Variants in BAG4 observed in about 807,000 individuals in gnomAD.
The protein encoded by BAG4 is BAG cochaperone 4.
In BAG4, 28 loss-of-function variants were observed where a neutral mutation model predicts 52.1. The observed-to-expected ratio is 0.54, with a 90% confidence interval of 0.40 to 0.74. The LOEUF (loss-of-function observed/expected upper bound fraction) is 0.74. Ranked by LOEUF, BAG4 falls within the 30% of genes least tolerant of loss-of-function variation. The probability of loss-of-function intolerance (pLI) is 0.00; values close to 1 mark genes in which losing one functional copy is unlikely to be tolerated. For missense variants in BAG4, 525 were observed against 572.0 expected, an observed-to-expected ratio of 0.92 and a Z score of 0.84; for synonymous variants, 208 against 217.0, an observed-to-expected ratio of 0.96 and a Z score of 0.37.
intron 1 of BAG4, 104 bp downstream of exon 1, chr8:38,177,243 G>T: frequency 6.8e-7 from 1 of 1,468,980 alleles, no homozygotes; most frequent in Non-Finnish European, 9.1e-7. Context: ...GGAGGAGGGT[G>T]TGTTGCGGGG....
chr8:38,208,328 G>C (rs1334685588), intron 3 of BAG4, among the ~76,000 whole-genome samples: 1 of 32,994 alleles, frequency 3.0e-5, no homozygotes, highest in Non-Finnish European at 6.3e-5. Context: ...TTTTTTTTTT[G>C]AGACGGAGTC....
intron 1 of BAG4, among the ~76,000 whole-genome samples, chr8:38,188,626 CATATATAT>C (rs1302636994): frequency 1.4e-5 from 2 of 146,506 alleles, no homozygotes; most frequent in African/African-American, 2.5e-5. Flanking sequence ...TACATGTACA[CATATATAT>C]ACATATATAC....
At position 38,212,812 on chromosome 8, in the gene BAG4, C is replaced by T. The variant is rs1233692462; in HGVS notation, c.*2319C>T. 1.3e-5 allele frequency: 2 copies of T among 152,174 alleles called. No individual in the cohort carries two copies. The highest frequency in any genetic ancestry group is 2.4e-5 in the African/African-American group (1 of 41,430). 9.4% of individuals were successfully genotyped at this position (152,174 alleles called of 1,614,324 possible). On this transcript the variant is annotated 3_prime_UTR_variant, in exon 5 of 5. Transcript: ENST00000287322. ...ATACCCGGAGACTATGCAAATGTCC[C>T]GTTTCTGCTTAAACTTTTGCTCATT... is the stretch of plus-strand genomic sequence containing the variant.
At chr8:38,201,203 G>T (rs1803656933) in intron 2 of BAG4, among the ~76,000 whole-genome samples, 1 of 152,194 alleles carries the variant, frequency 6.6e-6, no homozygotes, top group South Asian at 2.1e-4. Context: ...CATACAAGTT[G>T]TTGGATTTAA....
chr8:38,204,101 A>G (rs1037780683), intron 2 of BAG4: 1 of 152,188 alleles, frequency 6.6e-6, no homozygotes. Context: ...TCTTTTGTAA[A>G]CATGCATGTG....
rs766057908 is a variant in BAG4, at chr8:38,177,153, C to T, written c.270+14C>T. The T allele has an allele frequency of 5.0e-6, 8 of 1,610,102 alleles. No homozygotes were observed. The Admixed American group carries it at 1.0e-4, about 21-fold the overall frequency. ...GGAAGCCACCAGGTAAGCTTTGCAC[C>T]CTCTGTCCTTGCGGGGAGGTGAGGG... is the stretch of plus-strand genomic sequence containing the variant. On this transcript the variant is annotated intron_variant, in intron 1 of 4. Transcript: ENST00000287322.
At chr8:38,183,434 T>G (rs1421725813) in intron 1 of BAG4, among the ~76,000 whole-genome samples, 1 of 152,146 alleles carries the variant, frequency 6.6e-6, no homozygotes, top group Non-Finnish European at 1.5e-5. Context: ...AAAAGTTAGA[T>G]TCTTCTGAGT....
At chr8:38,192,098 GATTGAAGATGT>G (rs1803485141) in intron 1 of BAG4, among the ~76,000 whole-genome samples, 1 of 152,216 alleles carries the variant, frequency 6.6e-6, no homozygotes, top group Admixed American at 6.5e-5. Flanking sequence ...AGAAGTTGGA[GATTGAAGATGT>G]ATGTGCTTGA....
At chr8:38,198,495 T>G (rs982690752) in intron 2 of BAG4, among the ~76,000 whole-genome samples, 6 of 141,580 alleles carry the variant, frequency 4.2e-5, no homozygotes, top group Non-Finnish European at 9.2e-5. Flanking sequence ...TTGTTTTTTG[T>G]TTTTTTTTTT....
At chr8:38,209,959 C>T in intron 4 of BAG4, 49 bp from the exon 5 acceptor site, 2 of 1,575,552 alleles carry the variant, frequency 1.3e-6, no homozygotes, top group Non-Finnish European at 1.7e-6. Context: ...GATGTTGATG[C>T]ATTCCCATTA....
chr8:38,184,944 C>T (rs1300407501), intron 1 of BAG4, among the ~76,000 whole-genome samples: 1 of 152,090 alleles, frequency 6.6e-6, no homozygotes, highest in Admixed American at 6.6e-5. Flanking sequence ...CAAAAATTAG[C>T]TGGGCGTTGT....
intron 1 of BAG4, among the ~76,000 whole-genome samples, chr8:38,182,744 A>G (rs1383056099): frequency 6.6e-6 from 1 of 152,146 alleles, no homozygotes; most frequent in Non-Finnish European, 1.5e-5. Flanking sequence ...TGGGAGGGCC[A>G]TGAGCTACAG....
At chr8:38,183,036 CTTTTTTTTTTTTT>C (rs539995423) in intron 1 of BAG4, among the ~76,000 whole-genome samples, 3 of 100,102 alleles carry the variant, frequency 3.0e-5, no homozygotes, top group Non-Finnish European at 4.2e-5. Flanking sequence ...ACTGACCCAT[CTTTTTTTTTTTTT>C]TTTTTTTTTT....
intron 1 of BAG4, among the ~76,000 whole-genome samples, chr8:38,192,425 T>C (rs1803490803): frequency 6.6e-6 from 1 of 152,056 alleles, no homozygotes; most frequent in Admixed American, 6.6e-5. Context: ...ATAGTTGGGG[T>C]CCTATTCCCT....
chr8:38,178,976 A>AAAAAAAT (rs113508318), intron 1 of BAG4, among the ~76,000 whole-genome samples: 36,343 of 151,444 alleles, frequency 0.24, 4,486 homozygotes, highest in East Asian at 0.3. Flanking sequence ...CTCTAAAAAT[A>AAAAAAAT]AAAAAATAAA....
intron 2 of BAG4, among the ~76,000 whole-genome samples, chr8:38,204,654 A>C (rs964955593): frequency 3.3e-5 from 5 of 152,058 alleles, no homozygotes; most frequent in Non-Finnish European, 5.9e-5. Context: ...ACAACGAAAA[A>C]AAAAACAAAA....
chr8:38,211,279 CATAAAAT>C lies in BAG4; in HGVS notation c.*787_*793del, dbSNP rs144659234. 7.2e-6 allele frequency: 1 copy of C among 138,294 alleles called. No individual in the cohort carries two copies. The highest frequency in any genetic ancestry group is 2.7e-5 in the African/African-American group (1 of 37,636). 8.6% of individuals were successfully genotyped at this position (138,294 alleles called of 1,614,324 possible). ...AAGGTAAATTTGGAAATGGCATTGA[CATAAAAT>C]GAAAATGTTTACGGACACTTTTCTT... On this transcript the variant is annotated 3_prime_UTR_variant, in exon 5 of 5. Coordinates refer to ENST00000287322, the MANE Select transcript of BAG4 (RefSeq NM_004874.4).
At position 38,210,187 on chromosome 8, in the gene BAG4, C is replaced by T; in HGVS notation, c.1068C>T (p.Pro356=). 1.9e-6 allele frequency: 3 copies of T among 1,614,020 alleles called. No individual in the cohort carries two copies. The highest frequency in any genetic ancestry group is 2.5e-6 in the Non-Finnish European group (3 of 1,180,016). Residue 356 remains proline, a synonymous_variant, in exon 5 of 5, where the codon CCC becomes CCT. Transcript: ENST00000287322. ...ATGGTAATGCCACCAGTGACCATCCCAACAATCAAGATCAAAGTAGCAGTC... is the reference window on the plus strand; with the variant it reads ...ATGGTAATGCCACCAGTGACCATCCTAACAATCAAGATCAAAGTAGCAGTC... ...QLYGNATSDH[P]NNQDQSSSLP...
chr8:38,189,358 C>A (rs1803429767), intron 1 of BAG4, among the ~76,000 whole-genome samples: 1 of 152,150 alleles, frequency 6.6e-6, no homozygotes, highest in Non-Finnish European at 1.5e-5. Flanking sequence ...CTTTGCAGTT[C>A]AGCTTGTCCT....
Sources: gnomAD v4.1 joint callset for allele counts (sites outside exome capture counted in the v4.1 genomes callset) on GRCh38, gnomAD v4.1.1 for gene constraint, MANE v1.5 for transcripts, NCBI Gene and HGNC (gene_info 2026-07-23, HGNC 2026-07-21) for gene names.